PDE4D: variants seen among roughly 807,000 people sequenced by gnomAD.
The protein encoded by PDE4D is phosphodiesterase 4D, also known as 3',5'-cyclic-AMP phosphodiesterase 4D.
In PDE4D, 24 loss-of-function variants were observed where a neutral mutation model predicts 87.4. The observed-to-expected ratio is 0.27, with a 90% CI of 0.20 to 0.39. PDE4D has a LOEUF of 0.39. Ranked by LOEUF, PDE4D falls within the 10% of genes least tolerant of loss-of-function variation. The probability of loss-of-function intolerance (pLI) is 1.00; values close to 1 mark genes in which losing one functional copy is unlikely to be tolerated. For missense variants in PDE4D, 714 were observed against 1,041.0 expected (o/e 0.69, Z 4.32); for synonymous variants, 384 against 383.2 (o/e 1.00, Z -0.02).
At position 59,663,087 on chromosome 5, in the gene PDE4D, T is replaced by G. The variant is rs563982789; in HGVS notation, c.455+230081A>C. Among the ~76,000 whole-genome samples the G allele has an allele frequency of 5.9e-5, 9 of 152,336 alleles. No homozygotes were observed. The East Asian group carries it at 1.7e-3, about 29-fold the overall frequency. On this transcript the variant is annotated intron_variant, in intron 1 of 14. Coordinates refer to ENST00000340635, the MANE Select transcript of PDE4D (RefSeq NM_001104631.2). Reference sequence around the variant, plus strand: ...TCCTTAATACTTCTAGAACAAAAGTTAATTATTTCTTAACCACTTACATAG... The same window carrying G: ...TCCTTAATACTTCTAGAACAAAAGTGAATTATTTCTTAACCACTTACATAG...
chr5:60,110,471 T>G (rs1777561652), intron 2 of PDE4D, among the ~76,000 whole-genome samples: 1 of 151,974 alleles, frequency 6.6e-6, no homozygotes, highest in African/African-American at 2.4e-5. Context: ...TCACCCCAGT[T>G]AGAATGGCCA....
chr5:59,399,199 C>A lies in PDE4D; in HGVS notation c.456-183231G>T, dbSNP rs199504432. ...TCAATGCCATCCCCATCAAGCTACC[C>A]ATGACTTTCTTCACAGAATTGGAAA... On this transcript the variant is annotated intron_variant, in intron 1 of 14. Coordinates refer to ENST00000340635, the MANE Select transcript of PDE4D (RefSeq NM_001104631.2). Among the ~76,000 whole-genome samples the A allele has an allele frequency of 1.2e-3, 168 of 135,040 alleles. 3 individuals are homozygous for A. In the East Asian group the frequency reaches 0.022, roughly 17 times the overall value. 88.6% of individuals were successfully genotyped at this position (135,040 alleles called of 152,430 possible).
At chr5:59,170,180 G>A (rs1190141604) in intron 5 of PDE4D, among the ~76,000 whole-genome samples, 1 of 152,118 alleles carries the variant, frequency 6.6e-6, no homozygotes, top group African/African-American at 2.4e-5. Context: ...ACCATGTCTA[G>A]CTAATTTTTA....
chr5:59,248,183 A>G lies in PDE4D; in HGVS notation c.456-32215T>C, dbSNP rs376122411. On this transcript the variant is annotated intron_variant, in intron 1 of 14. Transcript: ENST00000340635. ...CAAGAAAAAGAAAATTTGTGAGCGG[A>G]TAAGAAAAAATATAAGATTTTATTT... Among the ~76,000 whole-genome samples, 9 of 147,838 alleles carry G rather than the reference A, an allele frequency of 6.1e-5. No individual in the cohort carries two copies. In the East Asian group the frequency reaches 1.6e-3, roughly 26 times the overall value.
Position 60,406,233 on chromosome 5 carries a change from G to T in PDE4D, c.-90+81709C>A, listed in dbSNP as rs143367233. ...TGTCAGCAGTGGATGAGAAGTATGT[G>T]CCCTACATATCTTCTTTTTAAAACT... On this transcript the variant is annotated intron_variant, in intron 1 of 16. Coordinates refer to the PDE4D transcript ENST00000502484. Among the ~76,000 whole-genome samples the T allele has an allele frequency of 1.8e-3, 275 of 152,254 alleles. 4 individuals carry two copies. Among genetic ancestry groups the T allele is most frequent in the Admixed American group, 0.016 (242 of 15,290 alleles).
At chr5:60,085,493 T>G (rs554976802) in intron 2 of PDE4D, among the ~76,000 whole-genome samples, 2 of 152,004 alleles carry the variant, frequency 1.3e-5, no homozygotes, top group Non-Finnish European at 2.9e-5. Flanking sequence ...TCCAAGCAAA[T>G]AGCCAAGCAG....
At chr5:59,370,328 T>C (rs908127297) in intron 1 of PDE4D, among the ~76,000 whole-genome samples, 6 of 152,152 alleles carry the variant, frequency 3.9e-5, no homozygotes, top group African/African-American at 1.4e-4. Flanking sequence ...CCCTCTCCTC[T>C]CTTTATGGCC....
rs532804070 is a variant in PDE4D at position 59,372,709 on chromosome 5, C to T, written c.456-156741G>A. On this transcript the variant is annotated intron_variant, in intron 1 of 14. Transcript: ENST00000340635. ...GGCTCCAGCAAGGGCCTCCTGCCCA[C>T]CTCTGTAAGCTGCATTGCCTCTGCC... Among the ~76,000 whole-genome samples, 3 of 152,326 alleles carry T rather than the reference C, an allele frequency of 2.0e-5. No individual in the cohort carries two copies. The East Asian group carries it at 5.8e-4, about 29-fold the overall frequency.
chr5:59,502,106 C>A (rs1459915322), intron 1 of PDE4D, among the ~76,000 whole-genome samples: 3 of 152,062 alleles, frequency 2.0e-5, no homozygotes, highest in Non-Finnish European at 4.4e-5. Context: ...ACCTTTATAT[C>A]CCTCCTGTCT....
intron 1 of PDE4D, among the ~76,000 whole-genome samples, chr5:60,289,080 C>T (rs1199573998): frequency 6.6e-6 from 1 of 152,164 alleles, no homozygotes; most frequent in African/African-American, 2.4e-5. Flanking sequence ...AACACCGTCA[C>T]TACGTTTTTG....
At position 60,274,893 on chromosome 5, in the gene PDE4D, C is replaced by T. The variant is rs148360532; in HGVS notation, c.-89-89206G>A. Reference sequence around the variant, plus strand: ...TGTAATTCAAATTATATTTTTGCTACCAGCAGTATTAGCATCTGTGACAGT... The same window carrying T: ...TGTAATTCAAATTATATTTTTGCTATCAGCAGTATTAGCATCTGTGACAGT... On this transcript the variant is annotated intron_variant, in intron 1 of 16. Transcript: ENST00000502484. Among the ~76,000 whole-genome samples the T allele has an allele frequency of 7.0e-4, 107 of 152,284 alleles. 1 individual carries two copies. In the East Asian group the frequency reaches 0.018, roughly 25 times the overall value.
intron 1 of PDE4D, among the ~76,000 whole-genome samples, chr5:60,267,418 A>G (rs1228137948): frequency 1.3e-5 from 2 of 152,182 alleles, no homozygotes; most frequent in Non-Finnish European, 2.9e-5. Flanking sequence ...GCACTTCAAA[A>G]CCATGTGCTG....
At chr5:60,131,444 C>A (rs187262348) in intron 2 of PDE4D, among the ~76,000 whole-genome samples, 120 of 152,298 alleles carry the variant, frequency 7.9e-4, no homozygotes, top group African/African-American at 2.6e-3. Context: ...CTGGACTGGT[C>A]TTATAACCTA....
Position 59,231,478 on chromosome 5 carries a change from G to A in PDE4D, c.456-15510C>T, listed in dbSNP as rs376776885. ...AGCTGGATGCTAAAGATGCTGATGC[G>A]TGAAGGATGGTAGAAACAGAAGGTG... On this transcript the variant is annotated intron_variant, in intron 1 of 14. Transcript: ENST00000340635. Among the ~76,000 whole-genome samples, 22 of 152,238 alleles carry A rather than the reference G, an allele frequency of 1.4e-4. No individual in the cohort carries two copies. In the South Asian group the frequency reaches 3.1e-3, roughly 22 times the overall value.
At chr5:59,711,169 A>G (rs995998029) in intron 1 of PDE4D, among the ~76,000 whole-genome samples, 7 of 152,154 alleles carry the variant, frequency 4.6e-5, no homozygotes, top group Non-Finnish European at 1.0e-4. Flanking sequence ...TGTCTTTTCA[A>G]TCTGCCTATG....
At chr5:59,199,940 A>C (rs1746412772) in intron 2 of PDE4D, among the ~76,000 whole-genome samples, 1 of 151,842 alleles carries the variant, frequency 6.6e-6, no homozygotes, top group Non-Finnish European at 1.5e-5. Context: ...ACATATATAC[A>C]TATATACATA....
chr5:59,435,207 T>C (rs1258523056), intron 1 of PDE4D, among the ~76,000 whole-genome samples: 1 of 152,294 alleles, frequency 6.6e-6, no homozygotes, highest in Non-Finnish European at 1.5e-5. Flanking sequence ...ACCAAGATTA[T>C]CTTAAAATGG....
chr5:60,116,922 G>A (rs1452570901), intron 2 of PDE4D, among the ~76,000 whole-genome samples: 1 of 151,920 alleles, frequency 6.6e-6, no homozygotes, highest in African/African-American at 2.4e-5. Context: ...AAAGATCTGA[G>A]ATTATGAGAT....
intron 2 of PDE4D, among the ~76,000 whole-genome samples, chr5:60,086,114 A>G (rs1202185168): frequency 6.6e-6 from 1 of 152,246 alleles, no homozygotes; most frequent in Non-Finnish European, 1.5e-5. Context: ...ACACTGAATT[A>G]ATCTAGTTAA....
Sources: allele counts gnomAD v4.1 joint callset (sites outside exome capture counted in the v4.1 genomes callset), GRCh38; gene constraint gnomAD v4.1.1; transcripts MANE v1.5; gene names NCBI Gene and HGNC (gene_info 2026-07-23, HGNC 2026-07-21).